CDC27: variants seen among roughly 807,000 people sequenced by gnomAD.
CDC27 encodes cell division cycle 27.
CDC27 carries 27 observed loss-of-function variants against 109.7 expected under a neutral mutation model. That is an observed-to-expected ratio of 0.25 (90% confidence interval 0.18 to 0.34). The LOEUF (loss-of-function observed/expected upper bound fraction) is 0.34. Ranked by LOEUF, CDC27 falls within the 10% of genes least tolerant of loss-of-function variation. The pLI, the probability that CDC27 is intolerant of heterozygous loss-of-function variation, is 1.00. For missense variants in CDC27, 579 were observed against 960.2 expected (o/e 0.60, Z 5.25); for synonymous variants, 266 against 333.9 (o/e 0.80, Z 2.22).
At chr17:47,141,006 T>C (rs2062777413) in intron 12 of CDC27, among the ~76,000 whole-genome samples, 1 of 152,208 alleles carries the variant, frequency 6.6e-6, no homozygotes, top group African/African-American at 2.4e-5. Context: ...TCATGACTTA[T>C]TGCTACCTGT....
At position 47,120,614 on chromosome 17, in the gene CDC27, C is replaced by T. The variant is rs1449497586; in HGVS notation, c.*321G>A. ...TCACTATTTTCCATATCTAATGGTT[C>T]CTTCAAGATAAAGCATAACTCTTCC... On this transcript the variant is annotated 3_prime_UTR_variant, in exon 19 of 19. Coordinates refer to ENST00000066544, the MANE Select transcript of CDC27 (RefSeq NM_001256.6). 4.9e-6 allele frequency: 1 copy of T among 202,902 alleles called. No individual in the cohort carries two copies. Among genetic ancestry groups the T allele is most frequent in the Non-Finnish European group, 9.9e-6 (1 of 100,684 alleles). The allele number at this position is 202,902 out of a possible 1,614,324, so 12.6% of individuals were successfully genotyped here.
At chr17:47,152,238 C>T (rs935956360) in intron 8 of CDC27, among the ~76,000 whole-genome samples, 2 of 152,080 alleles carry the variant, frequency 1.3e-5, no homozygotes, top group African/African-American at 4.8e-5. Flanking sequence ...TACATACCTT[C>T]TCTATTTGGG....
intron 2 of CDC27, among the ~76,000 whole-genome samples, chr17:47,177,779 ATTAC>A (rs766030918): frequency 9.2e-5 from 14 of 152,072 alleles, no homozygotes; most frequent in Non-Finnish European, 1.9e-4. Flanking sequence ...ATAGGTAGCA[ATTAC>A]TTATGAAAAA....
Position 47,188,218 on chromosome 17 carries a change from A to G in CDC27, c.27+928T>C, listed in dbSNP as rs1052285473. Among the ~76,000 whole-genome samples the G allele has an allele frequency of 3.3e-5, 5 of 152,312 alleles. No homozygotes were observed. The South Asian group carries it at 1.0e-3, about 32-fold the overall frequency. ...CAGCAGTTGATAGAGGTCAATTCTGATCAAGTTAAAGATCATATAGTGGGA... is the reference window on the plus strand; with the variant it reads ...CAGCAGTTGATAGAGGTCAATTCTGGTCAAGTTAAAGATCATATAGTGGGA... On this transcript the variant is annotated intron_variant, in intron 1 of 18. Transcript: ENST00000066544.
intron 9 of CDC27, among the ~76,000 whole-genome samples, chr17:47,148,360 A>G (rs1313825941): frequency 6.6e-6 from 1 of 152,218 alleles, no homozygotes; most frequent in Non-Finnish European, 1.5e-5. Flanking sequence ...AGACATAGCA[A>G]TAAACACTAT....
Position 47,131,159 on chromosome 17 carries a change from T to G in CDC27, c.2031+1098A>C, listed in dbSNP as rs2062318879. The stretch of plus-strand genomic sequence containing the variant: ...TTAAAACAACCTGTTCTACAATAAG[T>G]TCAGAAGAATTCCTATTTTTAAAAA... On this transcript the variant is annotated intron_variant, in intron 15 of 18. Coordinates refer to ENST00000066544, the MANE Select transcript of CDC27 (RefSeq NM_001256.6). 2.0e-5 allele frequency among the ~76,000 whole-genome samples: 3 copies of G among 152,190 alleles called. No homozygotes were observed. In the South Asian group the frequency reaches 6.2e-4, roughly 31 times the overall value.
intron 2 of CDC27, among the ~76,000 whole-genome samples, chr17:47,177,145 G>A (rs2064045111): frequency 6.6e-6 from 1 of 152,146 alleles, no homozygotes; most frequent in Non-Finnish European, 1.5e-5. Flanking sequence ...CATTTAAAAT[G>A]CATTCAAGTA....
intron 2 of CDC27, among the ~76,000 whole-genome samples, chr17:47,180,411 A>C (rs1425579811): frequency 2.6e-5 from 4 of 152,256 alleles, no homozygotes; most frequent in Middle Eastern, 6.8e-3. Context: ...ATCACCTTAC[A>C]TCCCACTATC....
chr17:47,154,696 TG>T lies in CDC27; in HGVS notation c.932del (p.Pro311HisfsTer32). 1 of 1,599,334 alleles carries T rather than the reference TG, an allele frequency of 6.3e-7. No individual in the cohort carries two copies. The highest frequency in any genetic ancestry group is 8.6e-7 in the Non-Finnish European group (1 of 1,168,748). ...YTNTPPVIDVPSTGAPSKKSV... is the reference protein window; with the variant it reads ...YTNTPPVIDVXSTGAPSKKSV... ...CCTTTTTTGAAGGGGCTCCGGTGGA[TG>T]GCACATCAATTACAGGAGGTGTATT... is the stretch of plus-strand genomic sequence containing the variant. On this transcript the variant is annotated frameshift_variant, in exon 8 of 19. Coordinates refer to ENST00000066544, the MANE Select transcript of CDC27 (RefSeq NM_001256.6). LOFTEE classifies it high-confidence loss of function.
At chr17:47,143,236 T>G (rs531216224) in intron 10 of CDC27, among the ~76,000 whole-genome samples, 2 of 152,322 alleles carry the variant, frequency 1.3e-5, no homozygotes, top group East Asian at 3.9e-4. Flanking sequence ...AGTGCTAGGA[T>G]TACAGGCGTG....
chr17:47,172,140 G>C (rs2063830010), intron 2 of CDC27, 76 bp from the exon 3 acceptor site: 1 of 953,514 alleles, frequency 1.0e-6, no homozygotes, highest in Non-Finnish European at 1.4e-6. Flanking sequence ...CAATAAACAA[G>C]TTTAGCAAAA....
intron 12 of CDC27, 25 bp from the exon 13 acceptor site, chr17:47,138,916 G>A: frequency 6.7e-7 from 1 of 1,486,832 alleles, no homozygotes. Flanking sequence ...ACTAGTAAGA[G>A]AAAACAAGTT....
intron 4 of CDC27, chr17:47,159,633 C>A (rs1034008903): frequency 2.2e-6 from 1 of 458,570 alleles, no homozygotes; most frequent in Non-Finnish European, 4.0e-6. Context: ...ATGGCAGTGG[C>A]CACCTCCTTG....
intron 2 of CDC27, among the ~76,000 whole-genome samples, chr17:47,177,478 G>A (rs778451795): frequency 5.3e-5 from 8 of 152,200 alleles, no homozygotes; most frequent in African/African-American, 1.7e-4. Flanking sequence ...TCAGGAGGCT[G>A]ATGCAGGAGA....
At position 47,138,877 on chromosome 17, in the gene CDC27, G is replaced by A. The variant is rs1172062797; in HGVS notation, c.1566C>T (p.Phe522=). 1 of 1,568,724 alleles carries A rather than the reference G, an allele frequency of 6.4e-7. No homozygotes were observed. Among genetic ancestry groups the A allele is most frequent in the Non-Finnish European group, 8.6e-7 (1 of 1,159,918 alleles). ...LSEYMQAERI[F]SEVRRIENYR... The stretch of plus-strand genomic sequence containing the variant: ...AATTCTCAATCCTTCTAACCTCTGA[G>A]AATATTCTTTCAGCCTGAAATAAAA... The change falls in exon 13 of 19, where the codon TTC becomes TTT. Residue 522 remains phenylalanine (F), a synonymous_variant. Transcript: ENST00000066544.
intron 9 of CDC27, 101 bp downstream of exon 9, chr17:47,151,705 T>C: frequency 1.2e-6 from 1 of 859,002 alleles, no homozygotes. Flanking sequence ...TTTACAGTAG[T>C]TATTCTAGAA....
At chr17:47,130,855 C>T (rs902729988) in intron 15 of CDC27, among the ~76,000 whole-genome samples, 12 of 135,402 alleles carry the variant, frequency 8.9e-5, no homozygotes, top group African/African-American at 3.3e-4. Context: ...CCAGCCTGGG[C>T]AACAAGAGCG....
At position 47,120,773 on chromosome 17, in the gene CDC27, T is replaced by G; in HGVS notation, c.*162A>C. ...TAGCAGCTAAATATTGCACTGCCTT[T>G]CATTCTGTATACAGTCAGGGTCCAA... On this transcript the variant is annotated 3_prime_UTR_variant, in exon 19 of 19. Coordinates refer to ENST00000066544, the MANE Select transcript of CDC27 (RefSeq NM_001256.6). 1 of 546,878 alleles carries G rather than the reference T, an allele frequency of 1.8e-6. No individual in the cohort carries two copies. The highest frequency in any genetic ancestry group is 3.3e-6 in the Non-Finnish European group (1 of 303,728). 33.9% of individuals were successfully genotyped at this position (546,878 alleles called of 1,614,324 possible).
intron 2 of CDC27, 42 bp downstream of exon 2, chr17:47,181,520 G>T: frequency 1.9e-6 from 2 of 1,060,614 alleles, no homozygotes; most frequent in Non-Finnish European, 1.4e-6. Context: ...TTTCATATAT[G>T]TTATTCATTT....
Sources: allele counts gnomAD v4.1 joint callset (sites outside exome capture counted in the v4.1 genomes callset), GRCh38; gene constraint gnomAD v4.1.1; transcripts MANE v1.5; gene names NCBI Gene and HGNC (gene_info 2026-07-23, HGNC 2026-07-21).